The following CAST variants were observed in gnomAD, a reference collection of about 807,000 sequenced individuals.
The protein encoded by CAST is MIR583 host.
In CAST, 76 loss-of-function variants were observed where a neutral mutation model predicts 119.6. The observed-to-expected ratio is 0.64, with a 90% CI of 0.53 to 0.77. The LOEUF (loss-of-function observed/expected upper bound fraction) is 0.77, where lower values mean the gene tolerates loss of function less well. Among genes scored for constraint, CAST ranks in the 30% least tolerant of loss-of-function variants. The probability of loss-of-function intolerance (pLI) is 0.00; values close to 1 mark genes in which losing one functional copy is unlikely to be tolerated. For synonymous variants in CAST, 319 were observed against 331.6 expected, an observed-to-expected ratio of 0.96 and a Z score of 0.41; for missense variants, 953 against 946.5, an observed-to-expected ratio of 1.01 and a Z score of -0.09.
chr5:96,612,160 C>G (rs1304767218), intron 1 of CAST, among the ~76,000 whole-genome samples: 6 of 152,108 alleles, frequency 3.9e-5, no homozygotes, highest in Non-Finnish European at 8.8e-5. Context: ...CATGGCAGCA[C>G]TATTCACAAT....
the CAST span, among the ~76,000 whole-genome samples, chr5:96,097,411 G>A: frequency 6.6e-6 from 1 of 151,748 alleles, no homozygotes; most frequent in African/African-American, 2.4e-5. Context: ...GTGCCATGGG[G>A]TTTGTTGTAC....
At chr5:96,095,263 G>T in the CAST span, among the ~76,000 whole-genome samples, 1 of 152,110 alleles carries the variant, frequency 6.6e-6, no homozygotes, top group African/African-American at 2.4e-5. Context: ...TGATCAGCTT[G>T]TCTTTAGAAC....
At chr5:96,373,938 G>A in the CAST span, among the ~76,000 whole-genome samples, 2 of 152,186 alleles carry the variant, frequency 1.3e-5, no homozygotes, top group Admixed American at 6.5e-5. Context: ...TGCAGAGACA[G>A]GATCTCACTT....
In CAST at chr5:96,694,289, A is replaced by G. The variant is rs1490564151; in HGVS notation, c.139-1547A>G. Among the ~76,000 whole-genome samples the G allele has an allele frequency of 1.4e-4, 21 of 152,202 alleles. 1 individual carries two copies. On this transcript the variant is annotated intron_variant, in intron 2 of 31. Transcript: ENST00000675179. ...CTTGCCTTGTGTATTCAATATTTACAGTACATTATTCACACTTTATTGACC... is the reference window on the plus strand; with the variant it reads ...CTTGCCTTGTGTATTCAATATTTACGGTACATTATTCACACTTTATTGACC...
the CAST span, among the ~76,000 whole-genome samples, chr5:96,461,573 T>C: frequency 6.6e-6 from 1 of 152,056 alleles, no homozygotes; most frequent in African/African-American, 2.4e-5. Flanking sequence ...TTAGATTAGA[T>C]AGAATGATTC....
chr5:96,502,722 G>GTTTTT, the CAST span, among the ~76,000 whole-genome samples: 1 of 151,302 alleles, frequency 6.6e-6, no homozygotes, highest in African/African-American at 2.4e-5. Context: ...GGGAGTTTAT[G>GTTTTT]TTTTTTACTA....
the CAST span, among the ~76,000 whole-genome samples, chr5:96,214,586 G>A: frequency 6.6e-6 from 1 of 152,170 alleles, no homozygotes; most frequent in Non-Finnish European, 1.5e-5. Flanking sequence ...TACTTACTGT[G>A]TTTGAGACAC....
At chr5:96,145,633 T>C in the CAST span, among the ~76,000 whole-genome samples, 4 of 152,210 alleles carry the variant, frequency 2.6e-5, no homozygotes, top group African/African-American at 9.6e-5. Flanking sequence ...AAATTTTTGG[T>C]AAGTAGAACC....
At chr5:96,751,751 C>T (rs1765111810) in intron 20 of CAST, among the ~76,000 whole-genome samples, 1 of 152,204 alleles carries the variant, frequency 6.6e-6, no homozygotes, top group South Asian at 2.1e-4. Flanking sequence ...AAAACCTGCA[C>T]CTGCACCACC....
At chr5:96,111,031 G>C in the CAST span, 7 of 152,064 alleles carry the variant, frequency 4.6e-5, no homozygotes, top group Non-Finnish European at 7.4e-5. Context: ...ACAGGTTAAG[G>C]GTTCAGTCCC....
At chr5:96,219,124 T>G in the CAST span, among the ~76,000 whole-genome samples, 7,347 of 152,242 alleles carry the variant, frequency 0.048, 626 homozygotes, top group African/African-American at 0.17. Flanking sequence ...TGTGTATGAT[T>G]TCATGGCCCA....
intron 26 of CAST, 129 bp downstream of exon 26, chr5:96,765,454 G>A (rs546381884): frequency 5.0e-6 from 3 of 595,274 alleles, no homozygotes; most frequent in Non-Finnish European, 2.9e-6. Context: ...AAATTATAAT[G>A]AAATAGAAAA....
At chr5:96,301,852 A>G in the CAST span, among the ~76,000 whole-genome samples, 3 of 152,168 alleles carry the variant, frequency 2.0e-5, no homozygotes, top group Non-Finnish European at 4.4e-5. Flanking sequence ...TTCCAGGAGC[A>G]TGGTGCAAGC....
At chr5:96,746,995 C>T (rs568476258) in intron 17 of CAST, among the ~76,000 whole-genome samples, 2 of 152,328 alleles carry the variant, frequency 1.3e-5, no homozygotes, top group South Asian at 4.1e-4. Context: ...GGAATGATAT[C>T]CACCTCTTCA....
chr5:96,381,470 A>G, the CAST span, among the ~76,000 whole-genome samples: 1 of 152,252 alleles, frequency 6.6e-6, no homozygotes, highest in African/African-American at 2.4e-5. Flanking sequence ...GCATGTGAAT[A>G]TCATGAGGCT....
At chr5:96,597,838 C>T (rs1580839891) in intron 1 of CAST, among the ~76,000 whole-genome samples, 1 of 151,230 alleles carries the variant, frequency 6.6e-6, no homozygotes, top group African/African-American at 2.4e-5. Context: ...AAGTGGGGGT[C>T]AGGGTGGTTT....
At chr5:96,577,875 T>C (rs1252701683) in intron 1 of CAST, among the ~76,000 whole-genome samples, 1 of 152,182 alleles carries the variant, frequency 6.6e-6, no homozygotes, top group Non-Finnish European at 1.5e-5. Context: ...CGTTCTATTA[T>C]GTTGATGCAA....
chr5:96,569,807 A>G (rs1746540544), intron 1 of CAST, among the ~76,000 whole-genome samples: 1 of 152,182 alleles, frequency 6.6e-6, no homozygotes, highest in Non-Finnish European at 1.5e-5. Context: ...TCTCCTCAGC[A>G]TTGTTTTACT....
At chr5:96,520,810 A>G (rs1455177464), upstream of CAST, among the ~76,000 whole-genome samples, 1 of 152,196 alleles carries the variant, frequency 6.6e-6, no homozygotes, top group African/African-American at 2.4e-5. Context: ...GCATGACAGA[A>G]TCCACCTACT....
Sources: allele counts gnomAD v4.1 joint callset (sites outside exome capture counted in the v4.1 genomes callset), GRCh38; gene constraint gnomAD v4.1.1; transcripts MANE v1.5; gene names NCBI Gene and HGNC (gene_info 2026-07-23, HGNC 2026-07-21).